The following FGF13 variants were observed in gnomAD, a reference collection of about 807,000 sequenced individuals.
The protein encoded by FGF13 is fibroblast growth factor 13, also known as fibroblast growth factor homologous factor 2.
A neutral mutation model predicts 19.5 loss-of-function variants in FGF13; 2 were observed. That is an observed-to-expected ratio of 0.10 (90% CI 0.04 to 0.32). FGF13 has a LOEUF of 0.32. Ranked by LOEUF, FGF13 falls within the 10% of genes least tolerant of loss-of-function variation. The pLI, the probability that FGF13 is intolerant of heterozygous loss-of-function variation, is 1.00. For synonymous variants in FGF13, 72 were observed against 76.9 expected (o/e 0.94, Z 0.33); for missense variants, 113 against 192.7 (o/e 0.59, Z 2.45).
chrX:139,132,666 A>G (rs189006423), intron 1 of FGF13, among the ~76,000 whole-genome samples: 19 of 112,495 alleles, frequency 1.7e-4, no homozygotes, highest in African/African-American at 5.8e-4. Context: ...ACTTTGAAAA[A>G]TGTATATTTT....
intron 1 of FGF13, among the ~76,000 whole-genome samples, chrX:138,881,920 T>C (rs2091427651): frequency 9.0e-6 from 1 of 110,649 alleles, no homozygotes; most frequent in African/African-American, 3.3e-5. Flanking sequence ...CTCTAATCTT[T>C]ATTATTTCCT....
At chrX:138,977,087 G>C (rs1263172954) in intron 1 of FGF13, among the ~76,000 whole-genome samples, 2 of 111,545 alleles carry the variant, frequency 1.8e-5, no homozygotes, top group Non-Finnish European at 3.8e-5. Flanking sequence ...CTTTGAATCT[G>C]AATATTAGGA....
chrX:138,878,358 G>T (rs1202191687), intron 1 of FGF13, among the ~76,000 whole-genome samples: 1 of 88,642 alleles, frequency 1.1e-5, no homozygotes, highest in African/African-American at 4.5e-5. Flanking sequence ...GTGTCCATGT[G>T]TTCTCATTGT....
At chrX:138,812,257 T>C (rs1260337230) in intron 3 of FGF13, among the ~76,000 whole-genome samples, 1 of 112,136 alleles carries the variant, frequency 8.9e-6, no homozygotes, top group Non-Finnish European at 1.9e-5. Context: ...GTTTTTATCA[T>C]AATAGTAGTA....
At chrX:138,944,396 C>G (rs1050935324) in intron 1 of FGF13, among the ~76,000 whole-genome samples, 1 of 110,451 alleles carries the variant, frequency 9.1e-6, no homozygotes, top group African/African-American at 3.3e-5. Context: ...ACTCAACCAT[C>G]TACTGCCTTC....
At chrX:138,832,201 G>A (rs1447484485) in intron 3 of FGF13, among the ~76,000 whole-genome samples, 1 of 111,826 alleles carries the variant, frequency 8.9e-6, no homozygotes, top group African/African-American at 3.3e-5. Context: ...TGAGTTGAAT[G>A]GTATTTCTGT....
At chrX:138,868,489 T>C (rs1333256000) in intron 1 of FGF13, among the ~76,000 whole-genome samples, 1 of 111,363 alleles carries the variant, frequency 9.0e-6, no homozygotes, top group Admixed American at 9.6e-5. Flanking sequence ...GATGTCATAG[T>C]TACTCATATA....
intron 3 of FGF13, among the ~76,000 whole-genome samples, chrX:138,769,152 C>G (rs2090526305): frequency 9.0e-6 from 1 of 111,393 alleles, no homozygotes; most frequent in Non-Finnish European, 1.9e-5. Context: ...TAAATGGATC[C>G]TATTTAATGG....
chrX:138,680,582 T>G (rs1057177551), intron 3 of FGF13, among the ~76,000 whole-genome samples: 1 of 111,773 alleles, frequency 8.9e-6, no homozygotes, highest in African/African-American at 3.3e-5. Context: ...GAATCTTTTT[T>G]TCCCCCCAGC....
At chrX:138,808,630 T>TA (rs755211303) in intron 3 of FGF13, among the ~76,000 whole-genome samples, 3 of 110,344 alleles carry the variant, frequency 2.7e-5, no homozygotes, top group South Asian at 3.9e-4. Context: ...AAAAAACCCT[T>TA]AAAAAAATCA....
At chrX:138,920,149 T>C (rs931842454) in intron 1 of FGF13, among the ~76,000 whole-genome samples, 11 of 111,220 alleles carry the variant, frequency 9.9e-5, no homozygotes, top group Non-Finnish European at 1.9e-4. Context: ...CACTGTATGT[T>C]TAAATTATTT....
chrX:138,953,220 C>T (rs1163374918), intron 1 of FGF13, among the ~76,000 whole-genome samples: 1 of 110,628 alleles, frequency 9.0e-6, no homozygotes, highest in East Asian at 2.9e-4. Flanking sequence ...AAATGTGGCA[C>T]ATAGACACCA....
intron 1 of FGF13, among the ~76,000 whole-genome samples, chrX:139,196,932 C>T (rs897381511): frequency 2.7e-5 from 3 of 112,296 alleles, no homozygotes; most frequent in African/African-American, 9.7e-5. Flanking sequence ...ATTTCTGCCA[C>T]GTATCTAGGT....
intron 1 of FGF13, among the ~76,000 whole-genome samples, chrX:138,958,158 G>A (rs112792697): frequency 2.3e-4 from 26 of 111,745 alleles, no homozygotes; most frequent in African/African-American, 8.1e-4. Flanking sequence ...TATTGGCTGT[G>A]GGTTTGTCAT....
At chrX:139,125,499 T>C (rs2083709112) in intron 1 of FGF13, among the ~76,000 whole-genome samples, 1 of 112,276 alleles carries the variant, frequency 8.9e-6, no homozygotes, top group Non-Finnish European at 1.9e-5. Flanking sequence ...GCAGTTCCTA[T>C]GGTTGTGATG....
At chrX:138,687,778 A>G (rs1000415289) in intron 3 of FGF13, among the ~76,000 whole-genome samples, 1 of 111,706 alleles carries the variant, frequency 9.0e-6, no homozygotes, top group African/African-American at 3.3e-5. Flanking sequence ...GAACGAATAA[A>G]GAAAATGTGG....
intron 1 of FGF13, among the ~76,000 whole-genome samples, chrX:139,165,243 A>G (rs2084072776): frequency 8.9e-6 from 1 of 112,536 alleles, no homozygotes; most frequent in Non-Finnish European, 1.9e-5. Context: ...ATCTGGCAGA[A>G]GAAATATCTA....
intron 3 of FGF13, among the ~76,000 whole-genome samples, chrX:138,843,057 A>G (rs1231857085): frequency 9.0e-6 from 1 of 111,070 alleles, no homozygotes; most frequent in Non-Finnish European, 1.9e-5. Flanking sequence ...TTCTATGTAG[A>G]AAAAAAATAG....
chrX:139,145,240 T>TA lies in FGF13; in HGVS notation c.-113+58175dup, dbSNP rs1324870404. Reference sequence around the variant, plus strand: ...TTTGCAGACCCCCTCAAAGGGACTCTAGTGAGGAGGAATCAAATCAGCATC... The same window carrying TA: ...TTTGCAGACCCCCTCAAAGGGACTCTAAGTGAGGAGGAATCAAATCAGCATC... On this transcript the variant is annotated intron_variant, in intron 1 of 2. Transcript: ENST00000421460. 2.7e-5 allele frequency among the ~76,000 whole-genome samples: 3 copies of TA among 111,046 alleles called. No homozygotes were observed. The Admixed American group carries it at 2.9e-4, about 11-fold the overall frequency.
Sources: allele counts gnomAD v4.1 joint callset (sites outside exome capture counted in the v4.1 genomes callset), GRCh38; gene constraint gnomAD v4.1.1; transcripts MANE v1.5; gene names NCBI Gene and HGNC (gene_info 2026-07-23, HGNC 2026-07-21).